The following OR6B3 variants were observed in gnomAD, a reference collection of about 807,000 sequenced individuals.
OR6B3 encodes the protein olfactory receptor family 6 subfamily B member 3.
For missense variants in OR6B3, 315 were observed against 427.4 expected (o/e 0.74, Z 2.32); for synonymous variants, 148 against 187.8 (o/e 0.79, Z 1.73).
intron 1 of OR6B3, among the ~76,000 whole-genome samples, chr2:240,046,561 A>C (rs1698192518): frequency 6.6e-6 from 1 of 152,184 alleles, no homozygotes; most frequent in African/African-American, 2.4e-5. Context: ...ATTTTACAGG[A>C]GGAAGTGACA....
At chr2:240,051,410 G>C (rs936524585), upstream of OR6B3, among the ~76,000 whole-genome samples, 8 of 152,198 alleles carry the variant, frequency 5.3e-5, no homozygotes, top group African/African-American at 1.9e-4. Flanking sequence ...ACAGCATCAT[G>C]ATGTTAAAAT....
At chr2:240,052,227 C>T in the OR6B3 span, among the ~76,000 whole-genome samples, 1 of 152,082 alleles carries the variant, frequency 6.6e-6, no homozygotes, top group Non-Finnish European at 1.5e-5. The surrounding 1 kb of genome is among the most constrained non-coding windows in gnomAD (Gnocchi z 4.5). Context: ...TGAAATTTAA[C>T]TCAATTCTAT....
At chr2:240,045,943 C>T (rs369603900) in exon 2 of OR6B3, 8 of 1,540,670 alleles carry the variant, frequency 5.2e-6, no homozygotes, top group Non-Finnish European at 7.2e-6. Context: ...AGGATGATGG[C>T]CAGGTTCTCC....
chr2:240,053,485 C>T, the OR6B3 span, among the ~76,000 whole-genome samples: 2 of 152,154 alleles, frequency 1.3e-5, no homozygotes, highest in South Asian at 2.1e-4. The surrounding 1 kb of genome is among the most constrained non-coding windows in gnomAD (Gnocchi z 4.1). Flanking sequence ...GGGCAGGGCG[C>T]GAGGCAGGCA....
chr2:240,046,030 C>G (rs200327452), exon 2 of OR6B3: 5 of 1,613,572 alleles, frequency 3.1e-6, no homozygotes, highest in Middle Eastern at 1.6e-4. Context: ...GGGAAGCCCA[C>G]CAGGATGAAG....
At chr2:240,050,091 A>AAT (rs776325470), upstream of OR6B3, among the ~76,000 whole-genome samples, 2 of 151,982 alleles carry the variant, frequency 1.3e-5, no homozygotes, top group East Asian at 3.8e-4. Context: ...AAAAAAAAAA[A>AAT]ATCAGTTGTG....
At chr2:240,046,067 A>G in exon 2 of OR6B3, 1 of 1,612,090 alleles carries the variant, frequency 6.2e-7, no homozygotes. Context: ...CATTCTCCCC[A>G]CTCATGCCTC....
At chr2:240,049,900 A>C (rs1332928230), upstream of OR6B3, among the ~76,000 whole-genome samples, 1 of 152,236 alleles carries the variant, frequency 6.6e-6, no homozygotes, top group Non-Finnish European at 1.5e-5. Context: ...TGAGATAATC[A>C]AAAGGGTATG....
chr2:240,047,097 T>C (rs4854050), upstream of OR6B3: 53,331 of 150,218 alleles, frequency 0.36, 9,438 homozygotes, highest in East Asian at 0.56. Context: ...GTAGATTCAG[T>C]TGTTGGTTGC....
chr2:240,046,045 C>T lies in OR6B3; in HGVS notation c.28G>A (p.Gly10Ser), dbSNP rs181027586. 1,314 of 1,613,528 alleles carry T rather than the reference C, an allele frequency of 8.1e-4. 12 individuals carry two copies. The African/African-American group carries it at 0.016, about 19-fold the overall frequency. Residue 10 changes from glycine to serine, a missense_variant, in exon 2 of 2, where the codon GGC (glycine) becomes AGC (serine). Gly to Ser is a moderately conservative substitution (Grantham distance 56). Transcript: ENST00000641019. ...GGGAAGCCCACCAGGATGAAGGTGC[C>T]GACCCTGGTGACATTCTCCCCACTC...
At chr2:240,049,325 T>G (rs975853703), upstream of OR6B3, among the ~76,000 whole-genome samples, 6 of 152,222 alleles carry the variant, frequency 3.9e-5, no homozygotes, top group Non-Finnish European at 7.3e-5. Context: ...TGAGTTAGCT[T>G]TAGTTTTCAT....
At chr2:240,051,909 A>G (rs1245096204), upstream of OR6B3, among the ~76,000 whole-genome samples, 2 of 152,238 alleles carry the variant, frequency 1.3e-5, no homozygotes, top group African/African-American at 4.8e-5. Flanking sequence ...CCCCACAGCT[A>G]AATACCAGGA....
chr2:240,046,174 A>G (rs1698186133), intron 1 of OR6B3, 77 bp from the exon 3 acceptor site: 6 of 1,078,054 alleles, frequency 5.6e-6, no homozygotes, highest in Middle Eastern at 3.1e-4. Flanking sequence ...GGACCTGGAT[A>G]GGGAGTTTTG....
upstream of OR6B3, among the ~76,000 whole-genome samples, chr2:240,049,296 C>G (rs942618487): frequency 6.6e-6 from 1 of 151,910 alleles, no homozygotes; most frequent in Non-Finnish European, 1.5e-5. Context: ...TTTTTTTGTA[C>G]ATAAAATAGA....
chr2:240,049,613 C>T (rs1008611300), upstream of OR6B3, among the ~76,000 whole-genome samples: 1 of 152,154 alleles, frequency 6.6e-6, no homozygotes, highest in Non-Finnish European at 1.5e-5. Context: ...TCAGACACAG[C>T]GTATCCAGTT....
upstream of OR6B3, among the ~76,000 whole-genome samples, chr2:240,047,355 C>T (rs1439498027): frequency 2.6e-5 from 4 of 152,150 alleles, no homozygotes; most frequent in Admixed American, 2.6e-4. Context: ...TATGTGGTCA[C>T]TGAAAAGAAG....
chr2:240,046,142 G>A, intron 1 of OR6B3, 45 bp from the exon 3 acceptor site: 1 of 1,356,902 alleles, frequency 7.4e-7, no homozygotes, highest in South Asian at 1.4e-5. Flanking sequence ...CAGGGAAGCT[G>A]GGGCAGAGGG....
chr2:240,045,702 A>G (rs1296110237), exon 2 of OR6B3: 2 of 1,364,786 alleles, frequency 1.5e-6, no homozygotes, highest in African/African-American at 1.5e-5. Context: ...GCAGATGGCC[A>G]CGTAGCGGTC....
At chr2:240,050,094 C>T (rs1431815634), upstream of OR6B3, among the ~76,000 whole-genome samples, 3 of 140,330 alleles carry the variant, frequency 2.1e-5, no homozygotes, top group African/African-American at 8.0e-5. Flanking sequence ...AAAAAAAAAT[C>T]AGTTGTGACA....
Sources: allele counts gnomAD v4.1 joint callset (sites outside exome capture counted in the v4.1 genomes callset), GRCh38; gene constraint gnomAD v4.1.1; non-coding constraint Gnocchi (gnomAD v3.1); transcripts MANE v1.5; gene names NCBI Gene and HGNC (gene_info 2026-07-23, HGNC 2026-07-21).